Variants in BCKDHB observed in about 807,000 individuals in gnomAD.
BCKDHB encodes branched chain keto acid dehydrogenase E1 subunit beta.
Under a neutral mutation model 48.5 loss-of-function variants are expected in BCKDHB, and 41 were observed. The ratio of observed to expected loss-of-function variants is 0.85; its 90% CI spans 0.66 to 1.10. The LOEUF is 1.10. Among genes scored for constraint, BCKDHB ranks in the 50% least tolerant of loss-of-function variants. The pLI is 0.00. For missense variants in BCKDHB, 496 were observed against 494.2 expected, an observed-to-expected ratio of 1.00 and a Z score of -0.03; for synonymous variants, 201 against 174.8, an observed-to-expected ratio of 1.15 and a Z score of -1.18.
At chr6:80,119,566 AC>A (rs35892757) in intron 1 of BCKDHB, among the ~76,000 whole-genome samples, 148 of 151,660 alleles carry the variant, frequency 9.8e-4, no homozygotes, top group African/African-American at 3.4e-3. Context: ...AGTGATCCGC[AC>A]CCCCCTTGGC....
At chr6:80,319,141 GCCTTATGGAATAAGCTAT>G (rs1768590139) in intron 9 of BCKDHB, among the ~76,000 whole-genome samples, 1 of 152,098 alleles carries the variant, frequency 6.6e-6, no homozygotes, top group Non-Finnish European at 1.5e-5. Context: ...TTTCACTCAG[GCCTTATGGAATAAGCTAT>G]GCTTGTGGAA....
the BCKDHB span, among the ~76,000 whole-genome samples, chr6:80,452,948 C>T: frequency 3.9e-5 from 6 of 152,296 alleles, no homozygotes; most frequent in East Asian, 7.7e-4. Flanking sequence ...CCACGAATTA[C>T]ATTCCTTCCC....
At chr6:80,365,865 T>C in the BCKDHB span, among the ~76,000 whole-genome samples, 5 of 152,148 alleles carry the variant, frequency 3.3e-5, no homozygotes, top group African/African-American at 1.2e-4. Context: ...GTCCCTCCAT[T>C]TGGGGTCCCT....
At chr6:80,138,558 C>T (rs1771015408) in intron 3 of BCKDHB, among the ~76,000 whole-genome samples, 1 of 151,792 alleles carries the variant, frequency 6.6e-6, no homozygotes, top group African/African-American at 2.4e-5. Context: ...GTTTTTTGTT[C>T]TTGCGATAGT....
chr6:80,369,378 G>T, the BCKDHB span, among the ~76,000 whole-genome samples: 1 of 152,158 alleles, frequency 6.6e-6, no homozygotes, highest in African/African-American at 2.4e-5. Flanking sequence ...TTCCAGTTTA[G>T]ACTGGAACCC....
intron 3 of BCKDHB, among the ~76,000 whole-genome samples, chr6:80,157,384 T>A (rs1772092834): frequency 6.6e-6 from 1 of 151,916 alleles, no homozygotes; most frequent in African/African-American, 2.4e-5. Context: ...CATTCATTCA[T>A]ACATTGAACA....
At chr6:80,221,566 A>G (rs1046685812) in intron 8 of BCKDHB, among the ~76,000 whole-genome samples, 8 of 152,134 alleles carry the variant, frequency 5.3e-5, no homozygotes, top group African/African-American at 1.9e-4. Context: ...CTAGGTGGGT[A>G]ATCATATTCT....
intron 8 of BCKDHB, among the ~76,000 whole-genome samples, chr6:80,238,744 T>TC (rs367655014): frequency 0.011 from 1,400 of 125,384 alleles, 30 homozygotes; most frequent in African/African-American, 0.033. Context: ...ATGCTATCCC[T>TC]CCCCCCTCCT....
Position 80,112,207 on chromosome 6 carries a change from T to C in BCKDHB, c.196+5318T>C, listed in dbSNP as rs141253991. Among the ~76,000 whole-genome samples the C allele has an allele frequency of 3.4e-3, 511 of 152,302 alleles. 4 individuals carry two copies. The highest frequency in any genetic ancestry group is 0.011 in the African/African-American group (469 of 41,566). On this transcript the variant is annotated intron_variant, in intron 1 of 9. Coordinates refer to ENST00000320393, the MANE Select transcript of BCKDHB (RefSeq NM_183050.4). ...AACACAAATGAAGATCCAATAGCTT[T>C]TTACCTTGGAACTCTAGCCATGAGA...
intron 6 of BCKDHB, among the ~76,000 whole-genome samples, chr6:80,179,879 A>T (rs1381201009): frequency 1.3e-5 from 2 of 152,118 alleles, no homozygotes; most frequent in South Asian, 2.1e-4. Flanking sequence ...GCAGCTGGGA[A>T]ATGTAGTCTT....
At chr6:80,330,334 C>CAT (rs912691123) in intron 9 of BCKDHB, among the ~76,000 whole-genome samples, 8 of 151,852 alleles carry the variant, frequency 5.3e-5, no homozygotes, top group South Asian at 2.1e-4. Flanking sequence ...GTCTTGCTGA[C>CAT]ATATATATAT....
At chr6:80,335,245 A>AAAG (rs1554215010) in intron 9 of BCKDHB, among the ~76,000 whole-genome samples, 12 of 105,774 alleles carry the variant, frequency 1.1e-4, no homozygotes, top group African/African-American at 2.1e-4. Context: ...AAAAAAAAAA[A>AAAG]AAGAAGAAAA....
chr6:80,203,227 G>T lies in BCKDHB; in HGVS notation c.951+15G>T. On this transcript the variant is annotated intron_variant, in intron 8 of 9. Coordinates refer to ENST00000320393, the MANE Select transcript of BCKDHB (RefSeq NM_183050.4). ...CAATTTGTAAGGTATGAATATAATG[G>T]TGATAGAATGTCATTTCCCTGAAAC... The T allele has an allele frequency of 6.6e-7, 1 of 1,515,572 alleles. No individual in the cohort carries two copies. Among genetic ancestry groups the T allele is most frequent in the African/African-American group, 1.4e-5 (1 of 72,906 alleles). 93.9% of individuals were successfully genotyped at this position (1,515,572 alleles called of 1,614,324 possible).
At chr6:80,191,785 G>A (rs1190329121) in intron 6 of BCKDHB, among the ~76,000 whole-genome samples, 1 of 152,174 alleles carries the variant, frequency 6.6e-6, no homozygotes, top group African/African-American at 2.4e-5. Context: ...GAGGTAGAAG[G>A]GTGGGGAAGT....
At chr6:80,466,651 C>T in the BCKDHB span, among the ~76,000 whole-genome samples, 1 of 152,116 alleles carries the variant, frequency 6.6e-6, no homozygotes. Context: ...GTCAACCATT[C>T]CCCAATAAAG....
At chr6:80,328,609 G>A (rs549396886) in intron 9 of BCKDHB, among the ~76,000 whole-genome samples, 27 of 152,196 alleles carry the variant, frequency 1.8e-4, no homozygotes, top group Non-Finnish European at 2.6e-4. Flanking sequence ...CTCATAAATC[G>A]GAATCTAAGG....
intron 9 of BCKDHB, among the ~76,000 whole-genome samples, chr6:80,298,247 G>A (rs1562212663): frequency 2.0e-5 from 3 of 152,034 alleles, no homozygotes; most frequent in African/African-American, 4.8e-5. Flanking sequence ...CAAGTAGCTG[G>A]GATTACATGC....
At chr6:80,433,711 GAA>G in the BCKDHB span, among the ~76,000 whole-genome samples, 1 of 147,710 alleles carries the variant, frequency 6.8e-6, no homozygotes, top group Admixed American at 6.8e-5. Flanking sequence ...CTGGTGTATG[GAA>G]AAAAAAAAGA....
intron 6 of BCKDHB, among the ~76,000 whole-genome samples, chr6:80,172,118 A>G (rs1228114223): frequency 6.6e-6 from 1 of 152,016 alleles, no homozygotes; most frequent in Admixed American, 6.6e-5. Flanking sequence ...CACACTGCAT[A>G]TGTTCTTTTG....
Sources: gnomAD v4.1 joint callset for allele counts (sites outside exome capture counted in the v4.1 genomes callset) on GRCh38, gnomAD v4.1.1 for gene constraint, MANE v1.5 for transcripts, NCBI Gene and HGNC (gene_info 2026-07-23, HGNC 2026-07-21) for gene names.